ANO4: variants seen among roughly 807,000 people sequenced by gnomAD.
ANO4 encodes the protein anoctamin-4.
Under a neutral mutation model 141.9 loss-of-function variants are expected in ANO4, and 69 were observed. The ratio of observed to expected loss-of-function variants is 0.49; its 90% CI spans 0.40 to 0.59. The LOEUF (loss-of-function observed/expected upper bound fraction) is 0.59. ANO4 is among the 20% of genes least tolerant of loss of function. The pLI is 0.00. For missense variants in ANO4, 894 were observed against 1,162.2 expected (o/e 0.77, Z 3.36); for synonymous variants, 350 against 394.3 (o/e 0.89, Z 1.33).
chr12:101,097,199 C>T (rs1375180057), intron 19 of ANO4, among the ~76,000 whole-genome samples: 1 of 150,102 alleles, frequency 6.7e-6, no homozygotes, highest in Admixed American at 6.6e-5. Context: ...TGGGAAGGAC[C>T]AGGTATAGGG....
At chr12:100,984,106 T>C (rs1360555132) in intron 7 of ANO4, among the ~76,000 whole-genome samples, 1 of 152,166 alleles carries the variant, frequency 6.6e-6, no homozygotes, top group East Asian at 1.9e-4. Flanking sequence ...ATTTTATTTA[T>C]TTATTTATGA....
chr12:100,998,006 T>C (rs2045466564), intron 8 of ANO4, among the ~76,000 whole-genome samples: 1 of 152,214 alleles, frequency 6.6e-6, no homozygotes, highest in South Asian at 2.1e-4. Flanking sequence ...ATACCTGTGA[T>C]GGTTAATACT....
intron 7 of ANO4, 87 bp downstream of exon 7, chr12:100,974,976 G>A (rs1177251525): frequency 6.7e-7 from 1 of 1,481,776 alleles, no homozygotes; most frequent in African/African-American, 1.4e-5. Context: ...AGCTGGGGAA[G>A]ATGAGCCTGT....
chr12:100,750,230 A>G (rs1017922525), intron 3 of ANO4, among the ~76,000 whole-genome samples: 6 of 150,962 alleles, frequency 4.0e-5, no homozygotes, highest in Non-Finnish European at 8.8e-5. Flanking sequence ...TGCCTCCTGG[A>G]TTCAAGCACT....
chr12:100,719,663 G>A (rs746566395), intron 1 of ANO4, among the ~76,000 whole-genome samples: 1 of 152,144 alleles, frequency 6.6e-6, no homozygotes, highest in Non-Finnish European at 1.5e-5. Flanking sequence ...AGAATGAACA[G>A]TTACACTGTA....
intron 15 of ANO4, among the ~76,000 whole-genome samples, chr12:101,082,785 CA>C (rs1389503240): frequency 1.3e-5 from 2 of 152,212 alleles, no homozygotes; most frequent in Non-Finnish European, 2.9e-5. Flanking sequence ...TGCTTTCTGC[CA>C]GTACCTTCAT....
chr12:100,725,772 G>A lies in ANO4; in HGVS notation c.23-8002G>A, dbSNP rs1417285447. The stretch of plus-strand genomic sequence containing the variant: ...AAATTTCCCCAAATCAGAGTGAAAC[G>A]GATGACATGAAGATGAATAACTTAA... On this transcript the variant is annotated intron_variant, in intron 1 of 29. Coordinates refer to the ANO4 transcript ENST00000644049. Among the ~76,000 whole-genome samples, 4 of 152,124 alleles carry A rather than the reference G, an allele frequency of 2.6e-5. No individual in the cohort carries two copies. The East Asian group carries it at 5.8e-4, about 22-fold the overall frequency.
intron 3 of ANO4, among the ~76,000 whole-genome samples, chr12:100,936,309 G>T (rs1181408882): frequency 6.6e-6 from 1 of 152,138 alleles, no homozygotes; most frequent in Non-Finnish European, 1.5e-5. Context: ...TGTGGTAGGG[G>T]CTGTCCTGTG....
intron 1 of ANO4, among the ~76,000 whole-genome samples, chr12:100,727,596 T>G (rs1197743686): frequency 1.3e-5 from 2 of 152,184 alleles, no homozygotes; most frequent in African/African-American, 4.8e-5. Context: ...GCATTTAGTT[T>G]TTTTTGGTTG....
chr12:101,106,861 T>C (rs2050468024), intron 22 of ANO4, among the ~76,000 whole-genome samples: 1 of 149,166 alleles, frequency 6.7e-6, no homozygotes, highest in African/African-American at 2.5e-5. Flanking sequence ...TAAAAATTAA[T>C]CTACCTCTAT....
intron 8 of ANO4, among the ~76,000 whole-genome samples, chr12:101,004,965 C>T (rs548329579): frequency 6.6e-6 from 1 of 152,262 alleles, no homozygotes; most frequent in Non-Finnish European, 1.5e-5. Context: ...AGATGCTTGG[C>T]AGAGTTTCTA....
At chr12:101,049,774 C>T (rs1416697838) in intron 14 of ANO4, among the ~76,000 whole-genome samples, 1 of 152,068 alleles carries the variant, frequency 6.6e-6, no homozygotes, top group East Asian at 1.9e-4. Context: ...AAAATTGTCC[C>T]ACCCATCACA....
intron 7 of ANO4, among the ~76,000 whole-genome samples, chr12:100,977,389 A>C (rs887837430): frequency 6.6e-6 from 1 of 152,118 alleles, no homozygotes; most frequent in Non-Finnish European, 1.5e-5. Context: ...CAGTCACCTA[A>C]TTTAAAACCT....
At chr12:100,963,403 C>T (rs1341307705) in intron 5 of ANO4, among the ~76,000 whole-genome samples, 1 of 152,060 alleles carries the variant, frequency 6.6e-6, no homozygotes, top group African/African-American at 2.4e-5. Context: ...TTACTAATGT[C>T]ACTTTCAGGG....
intron 3 of ANO4, among the ~76,000 whole-genome samples, chr12:100,939,065 C>T (rs918295677): frequency 6.6e-6 from 1 of 152,148 alleles, no homozygotes; most frequent in Admixed American, 6.5e-5. Flanking sequence ...TCATGGAAGA[C>T]AAATTATATT....
At chr12:100,814,822 T>G (rs1386512403) in intron 1 of ANO4, among the ~76,000 whole-genome samples, 1 of 152,088 alleles carries the variant, frequency 6.6e-6, no homozygotes, top group African/African-American at 2.4e-5. Context: ...GAGGAATCCT[T>G]ATTGAACTTG....
rs371938058 is a variant in ANO4, at chr12:100,796,560, A to G, written c.-141+1533A>G. ...GTAAAAGCATACGTTTAAATAAAAA[A>G]CAAGAATTTGTAGATGTTTACATGT... is the stretch of plus-strand genomic sequence containing the variant. On this transcript the variant is annotated intron_variant, in intron 1 of 27. Coordinates refer to ENST00000392977, the MANE Select transcript of ANO4 (RefSeq NM_001286615.2). Among the ~76,000 whole-genome samples the G allele has an allele frequency of 6.1e-4, 93 of 152,290 alleles. 1 individual carries two copies. The South Asian group carries it at 0.019, about 31-fold the overall frequency.
At chr12:101,094,074 A>AT (rs770793324) in intron 17 of ANO4, among the ~76,000 whole-genome samples, 182 bp from the exon 18 acceptor site, 47 of 152,270 alleles carry the variant, frequency 3.1e-4, no homozygotes, top group Non-Finnish European at 6.5e-4. Flanking sequence ...AAATTACGCT[A>AT]ATCTCCATTA....
chr12:100,979,796 C>T (rs867255), intron 7 of ANO4, among the ~76,000 whole-genome samples: 28,211 of 151,420 alleles, frequency 0.19, 2,932 homozygotes, highest in Middle Eastern at 0.35. Flanking sequence ...GGCACGATCT[C>T]GGCTCACTGC....
Sources: gnomAD v4.1 joint callset for allele counts (sites outside exome capture counted in the v4.1 genomes callset) on GRCh38, gnomAD v4.1.1 for gene constraint, MANE v1.5 for transcripts, NCBI Gene and HGNC (gene_info 2026-07-23, HGNC 2026-07-21) for gene names.